Variants in OC90 observed in about 807,000 individuals in gnomAD.
OC90 encodes the protein otoconin 90, also known as otoconin-90.
A neutral mutation model predicts 47.3 loss-of-function variants in OC90; 46 were observed. The ratio of observed to expected loss-of-function variants is 0.97; its 90% CI spans 0.77 to 1.24. OC90 has a LOEUF of 1.24. Among genes scored for constraint, OC90 ranks in the 50% most tolerant of loss-of-function variants. The pLI, the probability that OC90 is intolerant of heterozygous loss-of-function variation, is 0.00. For missense variants in OC90, 688 were observed against 583.9 expected, an observed-to-expected ratio of 1.18 and a Z score of -1.84; for synonymous variants, 271 against 219.5, an observed-to-expected ratio of 1.23 and a Z score of -2.07.
At position 132,055,048 on chromosome 8, in the gene OC90, G is replaced by A; in HGVS notation, c.-22C>T. ...TCATAGCAGGAGAACAAAGGATGGG[G>A]CTTAGGCAGCAACTGGAACGGACTC... On this transcript the variant is annotated 5_prime_UTR_variant, in exon 2 of 14. Transcript: ENST00000254627. 1.3e-6 allele frequency: 2 copies of A among 1,548,954 alleles called. No homozygotes were observed. The highest frequency in any genetic ancestry group is 1.7e-6 in the Non-Finnish European group (2 of 1,144,806).
intron 2 of OC90, 60 bp from the exon 3 acceptor site, chr8:132,045,943 A>T: frequency 2.1e-6 from 2 of 962,738 alleles, no homozygotes; most frequent in Non-Finnish European, 3.3e-6. Flanking sequence ...CACTTGCTGG[A>T]CTAAGGCCAG....
chr8:132,025,015 C>G (rs1178146938), intron 13 of OC90, among the ~76,000 whole-genome samples: 8 of 152,222 alleles, frequency 5.3e-5, no homozygotes, highest in Non-Finnish European at 1.2e-4. Context: ...GCTGGCTTCC[C>G]CTCCTCCAGA....
At chr8:132,044,874 G>T (rs1177948154) in intron 3 of OC90, among the ~76,000 whole-genome samples, 1 of 152,232 alleles carries the variant, frequency 6.6e-6, no homozygotes, top group Non-Finnish European at 1.5e-5. Flanking sequence ...CATTACTAGA[G>T]ATACTGATTC....
intron 8 of OC90, 21 bp from the exon 9 acceptor site, chr8:132,037,509 A>T (rs1390450284): frequency 6.4e-7 from 1 of 1,565,474 alleles, no homozygotes; most frequent in Non-Finnish European, 8.7e-7. Flanking sequence ...AGAGTTCCCA[A>T]TAGCAGTGAC....
intron 13 of OC90, among the ~76,000 whole-genome samples, chr8:132,027,642 G>A (rs573441379): frequency 2.0e-5 from 3 of 152,342 alleles, no homozygotes; most frequent in South Asian, 2.1e-4. Context: ...CAATTCTACA[G>A]CAAGTCTCCA....
At chr8:132,025,014 C>T (rs911938755) in intron 13 of OC90, among the ~76,000 whole-genome samples, 1 of 152,236 alleles carries the variant, frequency 6.6e-6, no homozygotes, top group Admixed American at 6.5e-5. Flanking sequence ...GGCTGGCTTC[C>T]CCTCCTCCAG....
intron 13 of OC90, 125 bp downstream of exon 13, chr8:132,028,948 A>G (rs1231995521): frequency 4.7e-6 from 3 of 641,606 alleles, no homozygotes; most frequent in Non-Finnish European, 5.6e-6. Flanking sequence ...GAAGGAAAAG[A>G]AAGAAAGAAG....
intron 13 of OC90, among the ~76,000 whole-genome samples, chr8:132,025,554 C>T (rs1413353111): frequency 1.3e-5 from 2 of 152,024 alleles, no homozygotes; most frequent in Admixed American, 6.6e-5. Context: ...ATTGTGCATG[C>T]AGTGATTAGC....
intron 10 of OC90, among the ~76,000 whole-genome samples, chr8:132,033,943 C>T (rs1197298179): frequency 6.6e-6 from 1 of 152,196 alleles, no homozygotes; most frequent in African/African-American, 2.4e-5. Flanking sequence ...TGCAGTCTTT[C>T]CCCAAATCCA....
At chr8:132,027,714 C>T (rs951949824) in intron 13 of OC90, among the ~76,000 whole-genome samples, 2 of 152,170 alleles carry the variant, frequency 1.3e-5, no homozygotes, top group African/African-American at 4.8e-5. Flanking sequence ...GCCTGAGGCC[C>T]TGAAGGGATA....
intron 4 of OC90, among the ~76,000 whole-genome samples, chr8:132,043,577 A>T (rs1208364223): frequency 6.6e-6 from 1 of 152,254 alleles, no homozygotes; most frequent in East Asian, 1.9e-4. Flanking sequence ...TTTAACATGC[A>T]CAGGGTCACA....
chr8:132,043,056 C>T (rs953302950), intron 4 of OC90, among the ~76,000 whole-genome samples: 2 of 152,166 alleles, frequency 1.3e-5, no homozygotes, highest in Non-Finnish European at 2.9e-5. Context: ...AAATGTGGTA[C>T]AAATATCTTT....
At chr8:132,044,054 A>C (rs1823097309) in intron 4 of OC90, among the ~76,000 whole-genome samples, 1 of 152,190 alleles carries the variant, frequency 6.6e-6, no homozygotes, top group Non-Finnish European at 1.5e-5. Flanking sequence ...AAGAAAAATA[A>C]AACTACTTTG....
intron 8 of OC90, 73 bp from the exon 9 acceptor site, chr8:132,037,561 G>A: frequency 7.2e-7 from 1 of 1,379,768 alleles, no homozygotes; most frequent in South Asian, 1.2e-5. Flanking sequence ...GGTCTCAAAG[G>A]AAAACAGGCT....
intron 2 of OC90, among the ~76,000 whole-genome samples, chr8:132,048,123 CT>C (rs1415097769): frequency 1.3e-5 from 2 of 152,190 alleles, no homozygotes; most frequent in African/African-American, 4.8e-5. Flanking sequence ...CGATCTGAGA[CT>C]TTCCTGACTC....
Position 132,024,442 on chromosome 8 carries a change from G to C in OC90, c.*39C>G, listed in dbSNP as rs1461372581. 1 of 1,457,278 alleles carries C rather than the reference G, an allele frequency of 6.9e-7. No individual in the cohort carries two copies. The highest frequency in any genetic ancestry group is 9.3e-7 in the Non-Finnish European group (1 of 1,080,502). The allele number at this position is 1,457,278 out of a possible 1,614,324, so 90.3% of individuals were successfully genotyped here. ...ATAAAGAGCTGAAGGTGGAGCAGGAGCCACGCTACTGAAGGTGTTAGCCAT... is the reference window on the plus strand; with the variant it reads ...ATAAAGAGCTGAAGGTGGAGCAGGACCCACGCTACTGAAGGTGTTAGCCAT... On this transcript the variant is annotated 3_prime_UTR_variant, in exon 14 of 14. Transcript: ENST00000254627.
Position 132,037,420 on chromosome 8 carries a change from T to C in OC90, c.679+18A>G, listed in dbSNP as rs370097236. ...CATTGTGTGTCTTTGGGTTCCACAC[T>C]AGCCCCTTCTGGCTCACCTTCTCCT... On this transcript the variant is annotated intron_variant, in intron 9 of 13. Transcript: ENST00000254627. 6.4e-5 allele frequency: 100 copies of C among 1,573,010 alleles called. No homozygotes were observed. In the African/African-American group the frequency reaches 1.1e-3, roughly 17 times the overall value.
intron 1 of OC90, among the ~76,000 whole-genome samples, chr8:132,055,280 C>T (rs567565393): frequency 6.6e-6 from 1 of 152,198 alleles, no homozygotes; most frequent in South Asian, 2.1e-4. Flanking sequence ...GTTTACCCAT[C>T]TGTAAAATGG....
intron 2 of OC90, 54 bp downstream of exon 2, chr8:132,054,927 A>G: frequency 2.2e-6 from 3 of 1,343,250 alleles, no homozygotes; most frequent in East Asian, 2.6e-5. Flanking sequence ...ACAGTATTCA[A>G]ATGAAGTAAT....
Sources: gnomAD v4.1 joint callset for allele counts (sites outside exome capture counted in the v4.1 genomes callset) on GRCh38, gnomAD v4.1.1 for gene constraint, MANE v1.5 for transcripts, NCBI Gene and HGNC (gene_info 2026-07-23, HGNC 2026-07-21) for gene names.